CCDC158: variants seen among roughly 807,000 people sequenced by gnomAD.
CCDC158 encodes coiled-coil domain containing 158.
A neutral mutation model predicts 138.6 loss-of-function variants in CCDC158; 116 were observed. The observed-to-expected ratio is 0.84, with a 90% confidence interval of 0.72 to 0.98. CCDC158 has a LOEUF of 0.98. Ranked by LOEUF, CCDC158 falls within the 50% of genes least tolerant of loss-of-function variation. CCDC158 has a pLI of 0.00. For synonymous variants in CCDC158, 436 were observed against 442.4 expected (o/e 0.99, Z 0.18); for missense variants, 1,265 against 1,306.1 (o/e 0.97, Z 0.48).
rs1362721791 is a variant in CCDC158 at position 76,338,042 on chromosome 4, C to T, written c.2665-3875G>A. Among the ~76,000 whole-genome samples the T allele has an allele frequency of 2.6e-5, 4 of 152,314 alleles. No individual in the cohort carries two copies. In the South Asian group the frequency reaches 6.2e-4, roughly 24 times the overall value. On this transcript the variant is annotated intron_variant, in intron 18 of 24. Coordinates refer to ENST00000682701, the MANE Select transcript of CCDC158 (RefSeq NM_001394954.1). ...ATCACTCACATTACCGTCTGAGCTC[C>T]ACCTCCTGTCAGATCAGGGGTGGCA...
At chr4:76,329,050 G>T in intron 21 of CCDC158, 83 bp from the exon 22 acceptor site, 1 of 1,078,308 alleles carries the variant, frequency 9.3e-7, no homozygotes, top group Non-Finnish European at 1.4e-6. Flanking sequence ...AGTGAACACA[G>T]GCAAATGTGA....
chr4:76,354,732 T>C (rs1429554925), intron 15 of CCDC158, among the ~76,000 whole-genome samples: 3 of 152,174 alleles, frequency 2.0e-5, no homozygotes, highest in Non-Finnish European at 4.4e-5. Context: ...TTTTACCATG[T>C]GTTATGAACC....
intron 11 of CCDC158, among the ~76,000 whole-genome samples, chr4:76,368,279 T>C (rs1391492975): frequency 6.6e-6 from 1 of 152,180 alleles, no homozygotes; most frequent in Non-Finnish European, 1.5e-5. Flanking sequence ...CTACCCCTTA[T>C]TTTTAATTTC....
chr4:76,359,866 C>A (rs1414447807), intron 13 of CCDC158, among the ~76,000 whole-genome samples: 3 of 152,232 alleles, frequency 2.0e-5, no homozygotes, highest in Non-Finnish European at 4.4e-5. Context: ...TTCAAGGCTG[C>A]AGAAATTTGC....
intron 9 of CCDC158, among the ~76,000 whole-genome samples, chr4:76,373,661 T>TTA (rs1473550162): frequency 2.6e-5 from 4 of 152,178 alleles, no homozygotes; most frequent in East Asian, 1.9e-4. Flanking sequence ...GGAATAGAAG[T>TTA]TATATATATA....
At chr4:76,415,195 A>G (rs1224456587) in intron 1 of CCDC158, among the ~76,000 whole-genome samples, 1 of 152,232 alleles carries the variant, frequency 6.6e-6, no homozygotes, top group African/African-American at 2.4e-5. Context: ...AGAGTCTGGT[A>G]GCATTTTGCC....
intron 18 of CCDC158, chr4:76,345,307 G>A: frequency 9.3e-7 from 1 of 1,075,172 alleles, no homozygotes; most frequent in South Asian, 1.2e-5. Context: ...CTCTTATACA[G>A]ACACACCAAA....
chr4:76,320,914 A>T (rs1394549833), intron 24 of CCDC158, among the ~76,000 whole-genome samples: 1 of 152,202 alleles, frequency 6.6e-6, no homozygotes, highest in Non-Finnish European at 1.5e-5. Flanking sequence ...AATAGATGGG[A>T]CCTAGTTAAA....
chr4:76,379,134 T>G (rs374318576), intron 9 of CCDC158, among the ~76,000 whole-genome samples, 156 bp downstream of exon 9: 2 of 152,198 alleles, frequency 1.3e-5, no homozygotes, highest in East Asian at 3.8e-4. Flanking sequence ...TTATAAATAG[T>G]TTAAAATATA....
rs932346259 is a variant in CCDC158, at chr4:76,367,719, G to A, written c.1405C>T (p.Gln469Ter). ...SLEKVSSLTA[Q>*]LESTKEMLRK... Reference sequence around the variant, plus strand: ...AGCATCTCTTTGGTGGATTCAAGCTGAGCAGTCAAGGAGGATACTTTTTCT... The same window carrying A: ...AGCATCTCTTTGGTGGATTCAAGCTAAGCAGTCAAGGAGGATACTTTTTCT... Residue 469 changes from glutamine (Q) to a stop codon, truncating the protein, a stop_gained, in exon 12 of 25, where the codon CAG (glutamine) becomes TAG (stop). Transcript: ENST00000682701. LOFTEE classifies it high-confidence loss of function. 7 of 1,613,692 alleles carry A rather than the reference G, an allele frequency of 4.3e-6. No individual in the cohort carries two copies. The highest frequency in any genetic ancestry group is 1.7e-5 in the Admixed American group (1 of 60,006).
chr4:76,378,990 T>C (rs534339319), intron 9 of CCDC158, among the ~76,000 whole-genome samples: 6 of 152,286 alleles, frequency 3.9e-5, no homozygotes, highest in African/African-American at 4.8e-5. Context: ...GGTATGGAAG[T>C]ATTTGCTAAA....
intron 9 of CCDC158, chr4:76,375,769 C>T: frequency 1.7e-6 from 1 of 577,986 alleles, no homozygotes; most frequent in Non-Finnish European, 3.1e-6. Context: ...GCTACGAAAG[C>T]TACATCTCAC....
chr4:76,405,305 A>G (rs1276648999), intron 2 of CCDC158, among the ~76,000 whole-genome samples: 1 of 152,182 alleles, frequency 6.6e-6, no homozygotes, highest in Non-Finnish European at 1.5e-5. Flanking sequence ...GTCCCTCAAA[A>G]GGTTTGAAGC....
At chr4:76,356,813 T>C (rs1315034642) in intron 14 of CCDC158, 1 of 152,238 alleles carries the variant, frequency 6.6e-6, no homozygotes, top group Non-Finnish European at 1.5e-5. Flanking sequence ...AATATGGTCA[T>C]GTCAACAATT....
intron 1 of CCDC158, among the ~76,000 whole-genome samples, chr4:76,417,672 T>C (rs1729805991): frequency 6.6e-6 from 1 of 152,208 alleles, no homozygotes; most frequent in Admixed American, 6.5e-5. Context: ...AACCTCTTTT[T>C]CTTCCCACTC....
At chr4:76,377,304 G>A (rs550500193) in intron 9 of CCDC158, among the ~76,000 whole-genome samples, 6 of 152,204 alleles carry the variant, frequency 3.9e-5, no homozygotes, top group South Asian at 4.2e-4. Context: ...AGTACTTTGC[G>A]GCTTTTCAAA....
chr4:76,327,659 T>C (rs905056292), intron 22 of CCDC158, among the ~76,000 whole-genome samples: 4 of 152,196 alleles, frequency 2.6e-5, no homozygotes, highest in Non-Finnish European at 4.4e-5. Context: ...TATAATCTTA[T>C]GGGACCTCTG....
At position 76,313,356 on chromosome 4, in the gene CCDC158, C is replaced by A. The variant is rs1719071222; in HGVS notation, c.3278-110G>T. 7 of 551,612 alleles carry A rather than the reference C, an allele frequency of 1.3e-5. No individual in the cohort carries two copies. The South Asian group carries it at 2.3e-4, about 18-fold the overall frequency. The allele number at this position is 551,612 out of a possible 1,614,324, so 34.2% of individuals were successfully genotyped here. A position where few individuals can be genotyped will look rare whatever the true frequency, so the allele number is the denominator to read the frequency against. On this transcript the variant is annotated intron_variant, in intron 24 of 24. Transcript: ENST00000682701. The stretch of plus-strand genomic sequence containing the variant: ...TAGTATAGAATAGACATGTTCTGAG[C>A]TCAAGACATTCTTAAAAATTGTGAT...
At chr4:76,417,713 C>T (rs890093686) in intron 1 of CCDC158, among the ~76,000 whole-genome samples, 2 of 152,192 alleles carry the variant, frequency 1.3e-5, no homozygotes, top group Non-Finnish European at 2.9e-5. Flanking sequence ...TGAAAACAGA[C>T]TAACACAGCT....
Sources: gnomAD v4.1 joint callset for allele counts (sites outside exome capture counted in the v4.1 genomes callset) on GRCh38, gnomAD v4.1.1 for gene constraint, MANE v1.5 for transcripts, NCBI Gene and HGNC (gene_info 2026-07-23, HGNC 2026-07-21) for gene names.